Variants in EEA1 observed in about 807,000 individuals in gnomAD.
EEA1 encodes early endosome antigen 1, 162kD.
Under a neutral mutation model 209.2 loss-of-function variants are expected in EEA1, and 111 were observed. The ratio of observed to expected loss-of-function variants is 0.53; its 90% CI spans 0.45 to 0.62. EEA1 has a LOEUF of 0.62. EEA1 is among the 20% of genes least tolerant of loss of function. EEA1 has a pLI of 0.00. For synonymous variants in EEA1, 536 were observed against 540.6 expected (o/e 0.99, Z 0.12); for missense variants, 1,343 against 1,530.8 (o/e 0.88, Z 2.05).
chr12:92,795,420 T>C (rs1371752187), intron 21 of EEA1, among the ~76,000 whole-genome samples: 3 of 152,236 alleles, frequency 2.0e-5, no homozygotes, highest in African/African-American at 7.2e-5. Context: ...ATGTCTGTTT[T>C]ATTCGCAGCT....
chr12:92,842,529 G>T lies in EEA1; in HGVS notation c.851C>A (p.Ala284Asp). 6.2e-7 allele frequency: 1 copy of T among 1,608,096 alleles called. No individual in the cohort carries two copies. Among genetic ancestry groups the T allele is most frequent in the East Asian group, 2.2e-5 (1 of 44,470 alleles). ...SELAKGPQEV[A>D]VYVQELQKLK... is the part of the protein sequence containing the mutation. ...TTTTTGTAGTTCCTGTACATATACA[G>T]CAACTTCCTGGGGGCCTTTGGCAAG... Residue 284 changes from alanine (A) to aspartate (D), a missense_variant, in exon 10 of 29, where the codon GCT becomes GAT. Coordinates refer to ENST00000322349, the MANE Select transcript of EEA1 (RefSeq NM_003566.4).
chr12:92,856,248 A>C (rs1201742573), intron 5 of EEA1, among the ~76,000 whole-genome samples: 3 of 152,218 alleles, frequency 2.0e-5, no homozygotes, highest in Non-Finnish European at 4.4e-5. Flanking sequence ...AAACTTCGTT[A>C]ATCTTTGATT....
chr12:92,776,390 T>C (rs868821729), intron 28 of EEA1, among the ~76,000 whole-genome samples: 1 of 151,928 alleles, frequency 6.6e-6, no homozygotes, highest in Non-Finnish European at 1.5e-5. Context: ...AGAGGAGGCA[T>C]TTAAAAAGTT....
intron 21 of EEA1, among the ~76,000 whole-genome samples, chr12:92,793,043 T>C (rs1181436733): frequency 6.6e-6 from 1 of 152,110 alleles, no homozygotes; most frequent in African/African-American, 2.4e-5. Context: ...ACATGGTATC[T>C]CAATAGATGC....
In EEA1 at chr12:92,780,288, T is replaced by G. The variant is rs146201229; in HGVS notation, c.3460A>C (p.Ser1154Arg). 317 of 1,596,734 alleles carry G rather than the reference T, an allele frequency of 2.0e-4. 1 individual carries two copies. The highest frequency in any genetic ancestry group is 5.5e-4 in the Admixed American group (30 of 55,044). ...TGATTATCTTAACATACCTTTATGCTTTCTAGTTTGTGGGACTTGAGTTCT... is the reference window on the plus strand; with the variant it reads ...TGATTATCTTAACATACCTTTATGCGTTCTAGTTTGTGGGACTTGAGTTCT... ...NEELKSHKLE[S>R]IKEITNLKDA... is the part of the protein sequence containing the mutation. The change falls in exon 24 of 29, where the codon AGC (serine) becomes CGC (arginine). Residue 1154 changes from serine (S) to arginine (R), a missense_variant. Physicochemically the swap from Ser to Arg is moderately radical, Grantham distance 110. This residue lies in a region of EEA1 where 1,307 missense variants were observed against 1,465.5 expected (regional missense o/e 0.89). Transcript: ENST00000322349.
At chr12:92,806,491 A>G (rs1478042076) in intron 18 of EEA1, among the ~76,000 whole-genome samples, 1 of 152,196 alleles carries the variant, frequency 6.6e-6, no homozygotes, top group African/African-American at 2.4e-5. Context: ...TTGAACCCCA[A>G]ATGAAACAAT....
chr12:92,855,463 T>C (rs190883515), intron 5 of EEA1, among the ~76,000 whole-genome samples: 2 of 149,448 alleles, frequency 1.3e-5, no homozygotes, highest in Non-Finnish European at 3.0e-5. Context: ...GCTATCAAAC[T>C]ATCACTACTA....
intron 1 of EEA1, among the ~76,000 whole-genome samples, chr12:92,923,772 T>C (rs1457560657): frequency 2.0e-5 from 3 of 148,782 alleles, no homozygotes; most frequent in South Asian, 2.1e-4. Flanking sequence ...GCACAGTAGT[T>C]AGCACAAAAT....
Position 92,798,997 on chromosome 12 carries a change from CTCT to C in EEA1, c.2859_2861del (p.Glu954del). On this transcript the variant is annotated inframe_deletion, in exon 21 of 29. Transcript: ENST00000322349. ...CATTTATGTTCCCCTGAAGTTGTTG[CTCT>C]TCTTTTTCATTTTGTTTTAAAGTAT... The C allele has an allele frequency of 6.2e-7, 1 of 1,613,164 alleles. No individual in the cohort carries two copies. The highest frequency in any genetic ancestry group is 8.5e-7 in the Non-Finnish European group (1 of 1,179,634).
rs575554082 is a variant in EEA1, at chr12:92,876,208, G to C, written c.118-11221C>G. ...CCACCTTAGCCTCCCGAGTAGCTGAGAATACAGGTGCATGCCACCACTCCT... is the reference window on the plus strand; with the variant it reads ...CCACCTTAGCCTCCCGAGTAGCTGACAATACAGGTGCATGCCACCACTCCT... On this transcript the variant is annotated intron_variant, in intron 2 of 28. Coordinates refer to ENST00000322349, the MANE Select transcript of EEA1 (RefSeq NM_003566.4). Among the ~76,000 whole-genome samples, 19 of 152,202 alleles carry C rather than the reference G, an allele frequency of 1.2e-4. No individual in the cohort carries two copies. In the East Asian group the frequency reaches 1.7e-3, roughly 14 times the overall value.
intron 1 of EEA1, among the ~76,000 whole-genome samples, chr12:92,902,181 A>G (rs1880172836): frequency 6.6e-6 from 1 of 152,064 alleles, no homozygotes; most frequent in Non-Finnish European, 1.5e-5. Context: ...GCAACAGAGT[A>G]AGACCTTGTC....
intron 1 of EEA1, among the ~76,000 whole-genome samples, chr12:92,927,298 C>T (rs953039161): frequency 6.6e-6 from 1 of 152,194 alleles, no homozygotes; most frequent in Non-Finnish European, 1.5e-5. Flanking sequence ...CAGAATTATC[C>T]AGTCACAAAT....
intron 1 of EEA1, among the ~76,000 whole-genome samples, chr12:92,896,855 T>C (rs1333997040): frequency 6.6e-6 from 1 of 152,108 alleles, no homozygotes; most frequent in Non-Finnish European, 1.5e-5. Context: ...GCTATCAGTA[T>C]AGAGGCAAAA....
intron 21 of EEA1, among the ~76,000 whole-genome samples, chr12:92,793,450 A>T (rs1874506127): frequency 6.6e-6 from 1 of 152,258 alleles, no homozygotes; most frequent in African/African-American, 2.4e-5. Context: ...ATACAAAATC[A>T]ATGTGCAAAA....
At chr12:92,926,302 C>T (rs1196446237) in intron 1 of EEA1, among the ~76,000 whole-genome samples, 2 of 152,058 alleles carry the variant, frequency 1.3e-5, no homozygotes, top group African/African-American at 4.8e-5. Flanking sequence ...CAAGGAATGC[C>T]ACATAATTTC....
At chr12:92,784,072 C>T (rs17020732) in intron 22 of EEA1, among the ~76,000 whole-genome samples, 3,729 of 152,096 alleles carry the variant, frequency 0.025, 169 homozygotes, top group African/African-American at 0.084. Flanking sequence ...ACACTAAACC[C>T]CTTGAGGCTT....
chr12:92,850,017 T>C (rs1409394616), intron 9 of EEA1, among the ~76,000 whole-genome samples: 1 of 152,208 alleles, frequency 6.6e-6, no homozygotes, highest in Non-Finnish European at 1.5e-5. Context: ...TCTTAGAGTT[T>C]ATTAAATGCT....
intron 3 of EEA1, chr12:92,857,997 G>A (rs1044052110): frequency 8.9e-6 from 3 of 337,616 alleles, no homozygotes; most frequent in East Asian, 7.1e-5. Context: ...GTAGAATGCC[G>A]TCTGCAACTT....
intron 2 of EEA1, among the ~76,000 whole-genome samples, chr12:92,880,156 G>A (rs1387519556): frequency 2.0e-5 from 3 of 152,180 alleles, no homozygotes; most frequent in African/African-American, 4.8e-5. Flanking sequence ...CCAGTGTCAC[G>A]TGTTACATGT....
Sources: gnomAD v4.1 joint callset for allele counts (sites outside exome capture counted in the v4.1 genomes callset) on GRCh38, gnomAD v4.1.1 for gene constraint, gnomAD v4.1.1 regional missense constraint, MANE v1.5 for transcripts, NCBI Gene and HGNC (gene_info 2026-07-23, HGNC 2026-07-21) for gene names.